The following NAALADL2 variants were observed in gnomAD, a reference collection of about 807,000 sequenced individuals.
NAALADL2 encodes N-acetylated alpha-linked acidic dipeptidase like 2, also known as inactive N-acetylated-alpha-linked acidic dipeptidase-like protein 2.
Under a neutral mutation model 87.2 loss-of-function variants are expected in NAALADL2, and 76 were observed. The ratio of observed to expected loss-of-function variants is 0.87; its 90% CI spans 0.72 to 1.05. The LOEUF is 1.05. NAALADL2 is among the 50% of genes least tolerant of loss of function. The pLI is 0.00. For synonymous variants in NAALADL2, 354 were observed against 331.0 expected (o/e 1.07, Z -0.75); for missense variants, 1,089 against 945.8 (o/e 1.15, Z -1.99).
At chr3:175,153,486 C>T (rs1219304997) in intron 2 of NAALADL2, among the ~76,000 whole-genome samples, 1 of 152,192 alleles carries the variant, frequency 6.6e-6, no homozygotes, top group Non-Finnish European at 1.5e-5. Context: ...TTTTAGTTCA[C>T]ATATGAAACC....
At chr3:174,875,813 GA>G (rs1335243089) in intron 1 of NAALADL2, among the ~76,000 whole-genome samples, 1 of 151,774 alleles carries the variant, frequency 6.6e-6, no homozygotes, top group African/African-American at 2.4e-5. Context: ...GATTAAGGTG[GA>G]ATGTTATTTG....
chr3:174,967,422 C>T (rs1282693875), intron 1 of NAALADL2, among the ~76,000 whole-genome samples: 7 of 150,474 alleles, frequency 4.7e-5, no homozygotes, highest in African/African-American at 9.8e-5. Flanking sequence ...TCCCACTTAA[C>T]TCTGTATGTA....
chr3:175,160,284 C>T (rs1732957094), intron 2 of NAALADL2, among the ~76,000 whole-genome samples: 1 of 146,180 alleles, frequency 6.8e-6, no homozygotes, highest in Non-Finnish European at 1.5e-5. Flanking sequence ...TTACAAGGGG[C>T]TAAATATAGC....
intron 2 of NAALADL2, among the ~76,000 whole-genome samples, chr3:175,144,992 T>C (rs1258063740): frequency 6.6e-6 from 1 of 151,954 alleles, no homozygotes; most frequent in Non-Finnish European, 1.5e-5. Flanking sequence ...AACATTCCAT[T>C]TCTTTATTCA....
chr3:175,175,130 G>T (rs1182640499), intron 2 of NAALADL2, among the ~76,000 whole-genome samples: 1 of 151,784 alleles, frequency 6.6e-6, no homozygotes, highest in Non-Finnish European at 1.5e-5. Flanking sequence ...ACTTGGTTTG[G>T]GGTAGAATGC....
rs532808508 is a variant in NAALADL2 at position 175,060,512 on chromosome 3, T to C, written c.44-36278T>C. ...TTTCAATTAATGCTTTTGCTCTGGA[T>C]AGTTCTTTAAAATTAATCTCAATTG... On this transcript the variant is annotated intron_variant, in intron 1 of 13. Coordinates refer to ENST00000454872, the MANE Select transcript of NAALADL2 (RefSeq NM_207015.3). Among the ~76,000 whole-genome samples the C allele has an allele frequency of 7.2e-5, 11 of 152,336 alleles. No individual in the cohort carries two copies. The South Asian group carries it at 2.3e-3, about 32-fold the overall frequency.
At chr3:175,754,833 A>T (rs1180662721) in intron 12 of NAALADL2, among the ~76,000 whole-genome samples, 1 of 152,204 alleles carries the variant, frequency 6.6e-6, no homozygotes, top group South Asian at 2.1e-4. Flanking sequence ...GGTCAATATT[A>T]AAGACATAGT....
At chr3:175,486,811 C>A (rs1727348297) in intron 9 of NAALADL2, among the ~76,000 whole-genome samples, 1 of 151,984 alleles carries the variant, frequency 6.6e-6, no homozygotes, top group Admixed American at 6.6e-5. Context: ...CCTTGGAGAC[C>A]TCTTTCACTC....
intron 3 of NAALADL2, among the ~76,000 whole-genome samples, chr3:174,810,062 C>G (rs1719993041): frequency 6.6e-6 from 1 of 152,184 alleles, no homozygotes; most frequent in Non-Finnish European, 1.5e-5. Flanking sequence ...TGCTGCCATG[C>G]TTCCTGTACA....
chr3:175,204,037 T>C (rs1230479066), intron 2 of NAALADL2, among the ~76,000 whole-genome samples: 4 of 152,140 alleles, frequency 2.6e-5, no homozygotes, highest in Non-Finnish European at 5.9e-5. Flanking sequence ...TTGGTACCAA[T>C]AGTTTTGACA....
At chr3:175,121,016 C>T (rs1726066399) in intron 2 of NAALADL2, among the ~76,000 whole-genome samples, 1 of 151,674 alleles carries the variant, frequency 6.6e-6, no homozygotes, top group Admixed American at 6.6e-5. Flanking sequence ...TCTGATGAGT[C>T]CCCCTTTTTG....
At chr3:175,538,035 T>C (rs777285570) in intron 9 of NAALADL2, among the ~76,000 whole-genome samples, 50 of 152,318 alleles carry the variant, frequency 3.3e-4, no homozygotes, top group South Asian at 1.2e-3. Flanking sequence ...CTACATTTTG[T>C]TGAAGTTTTA....
intron 11 of NAALADL2, among the ~76,000 whole-genome samples, chr3:175,648,873 AT>A (rs1292305192): frequency 6.6e-6 from 1 of 152,194 alleles, no homozygotes; most frequent in Non-Finnish European, 1.5e-5. Flanking sequence ...GCCTGGGGTC[AT>A]TTGTCTTCTC....
intron 3 of NAALADL2, among the ~76,000 whole-genome samples, chr3:174,790,120 G>A (rs901217795): frequency 2.6e-5 from 4 of 152,180 alleles, no homozygotes; most frequent in African/African-American, 2.4e-5. Context: ...GTGAATCAAC[G>A]ATGAAGTGGG....
At chr3:175,293,425 G>GA (rs555391976) in intron 4 of NAALADL2, among the ~76,000 whole-genome samples, 1 of 151,810 alleles carries the variant, frequency 6.6e-6, no homozygotes, top group Non-Finnish European at 1.5e-5. Context: ...TATCGATATG[G>GA]AAAAAAAAGA....
intron 1 of NAALADL2, among the ~76,000 whole-genome samples, chr3:175,033,237 T>C (rs535027601): frequency 6.6e-6 from 1 of 152,096 alleles, no homozygotes; most frequent in African/African-American, 2.4e-5. Context: ...GCTCCCTCCT[T>C]TTCTGAGGAA....
rs570792543 is a variant in NAALADL2 at position 174,735,520 on chromosome 3, A to T, written c.-114-2121A>T. ...ATCCTTTTTTCCCAAAGAGATACTA[A>T]GTTACTTCCTTCCAGTTACGTATTT... On this transcript the variant is annotated intron_variant, in intron 2 of 3. Coordinates refer to the NAALADL2 transcript ENST00000434257. Among the ~76,000 whole-genome samples the T allele has an allele frequency of 3.3e-5, 5 of 152,254 alleles. No homozygotes were observed. The South Asian group carries it at 1.0e-3, about 32-fold the overall frequency.
At chr3:175,447,444 A>G in intron 6 of NAALADL2, 72 bp downstream of exon 6, 1 of 1,042,080 alleles carries the variant, frequency 9.6e-7, no homozygotes, top group Non-Finnish European at 1.3e-6. Context: ...AATCTCCTAA[A>G]TTGATGTATG....
intron 1 of NAALADL2, among the ~76,000 whole-genome samples, chr3:174,542,668 T>A (rs1050395931): frequency 6.6e-6 from 1 of 152,178 alleles, no homozygotes; most frequent in Non-Finnish European, 1.5e-5. Flanking sequence ...AATTCCCTGG[T>A]TATAGCTATG....
Sources: gnomAD v4.1 joint callset for allele counts (sites outside exome capture counted in the v4.1 genomes callset) on GRCh38, gnomAD v4.1.1 for gene constraint, MANE v1.5 for transcripts, NCBI Gene and HGNC (gene_info 2026-07-23, HGNC 2026-07-21) for gene names.